SLC1A3: variants seen among roughly 807,000 people sequenced by gnomAD.
The protein encoded by SLC1A3 is excitatory amino acid transporter 1.
SLC1A3 carries 21 observed loss-of-function variants against 48.1 expected under a neutral mutation model. The ratio of observed to expected loss-of-function variants is 0.44; its 90% CI spans 0.31 to 0.63. The LOEUF is 0.63. Among genes scored for constraint, SLC1A3 ranks in the 20% least tolerant of loss-of-function variants. The pLI is 0.08. For synonymous variants in SLC1A3, 239 were observed against 251.4 expected (o/e 0.95, Z 0.47); for missense variants, 546 against 689.0 (o/e 0.79, Z 2.32).
rs370028507 is a variant in SLC1A3 at position 36,680,597 on chromosome 5, G to A, written c.1289+8G>A. On this transcript the variant is annotated splice_region_variant and intron_variant, in intron 8 of 9. Coordinates refer to ENST00000265113, the MANE Select transcript of SLC1A3 (RefSeq NM_004172.5). ...ACAAATTATTACAATCAGGTACAAGGAAAGAGTTCTATACACCCTTTCTTA... is the reference window on the plus strand; with the variant it reads ...ACAAATTATTACAATCAGGTACAAGAAAAGAGTTCTATACACCCTTTCTTA... 5.0e-6 allele frequency: 8 copies of A among 1,610,364 alleles called. No individual in the cohort carries two copies. The South Asian group carries it at 8.8e-5, about 18-fold the overall frequency.
At chr5:36,624,993 G>A (rs997336182) in intron 2 of SLC1A3, among the ~76,000 whole-genome samples, 5 of 152,198 alleles carry the variant, frequency 3.3e-5, no homozygotes, top group African/African-American at 1.2e-4. Flanking sequence ...AGGCTCTTTT[G>A]AGACCTATAC....
At chr5:36,652,607 G>A (rs1307111400) in intron 3 of SLC1A3, among the ~76,000 whole-genome samples, 5 of 152,116 alleles carry the variant, frequency 3.3e-5, no homozygotes, top group Non-Finnish European at 7.4e-5. Flanking sequence ...AGCCTCCAGA[G>A]AATTCCCAGA....
At chr5:36,654,218 G>T (rs1301723001) in intron 3 of SLC1A3, among the ~76,000 whole-genome samples, 1 of 152,122 alleles carries the variant, frequency 6.6e-6, no homozygotes, top group East Asian at 1.9e-4. Context: ...ACCCCTCCAG[G>T]GGCTGTTAGG....
chr5:36,658,403 A>G (rs1741368760), intron 3 of SLC1A3, among the ~76,000 whole-genome samples: 1 of 152,160 alleles, frequency 6.6e-6, no homozygotes, highest in Admixed American at 6.6e-5. Flanking sequence ...AGGCAGTGGG[A>G]GGCATTACAG....
At chr5:36,664,817 A>G (rs1741665135) in intron 3 of SLC1A3, among the ~76,000 whole-genome samples, 1 of 152,240 alleles carries the variant, frequency 6.6e-6, no homozygotes, top group South Asian at 2.1e-4. Context: ...AGTTACTTCT[A>G]TAGGCTCATC....
At chr5:36,634,940 G>T (rs1400585818) in intron 3 of SLC1A3, among the ~76,000 whole-genome samples, 1 of 152,114 alleles carries the variant, frequency 6.6e-6, no homozygotes, top group East Asian at 1.9e-4. Flanking sequence ...TTGTCATTTC[G>T]TGTAACACAA....
Position 36,608,595 on chromosome 5 carries a change from G to A in SLC1A3, c.172G>A (p.Val58Ile), listed in dbSNP as rs1739062609. The A allele has an allele frequency of 6.2e-7, 1 of 1,612,394 alleles. No individual in the cohort carries two copies. Among genetic ancestry groups the A allele is most frequent in the Non-Finnish European group, 8.5e-7 (1 of 1,179,756 alleles). The change falls in exon 2 of 10, where the codon GTC becomes ATC. Residue 58 changes from valine (V) to isoleucine (I), a missense_variant. This residue lies in a region of SLC1A3 where 348 missense variants were observed against 392.0 expected (regional missense o/e 0.89). Transcript: ENST00000265113. Reference protein sequence around the residue: ...NAFVLLTVTAVIVGTILGFTL... With the variant: ...NAFVLLTVTAIIVGTILGFTL... ...TTTTGTGCTGCTCACAGTCACCGCT[G>A]TCATTGTGGGTGAGTCATTTGATTA... is the stretch of plus-strand genomic sequence containing the variant.
intron 3 of SLC1A3, among the ~76,000 whole-genome samples, chr5:36,640,540 C>T (rs570488116): frequency 6.6e-6 from 1 of 152,238 alleles, no homozygotes; most frequent in South Asian, 2.1e-4. Context: ...GAAGAAATTT[C>T]CCCTAAATTA....
intron 3 of SLC1A3, among the ~76,000 whole-genome samples, chr5:36,667,255 C>A (rs922906166): frequency 6.6e-6 from 1 of 152,178 alleles, no homozygotes; most frequent in African/African-American, 2.4e-5. Flanking sequence ...TCTAGCTAGT[C>A]CTTCTGGTGA....
intron 2 of SLC1A3, among the ~76,000 whole-genome samples, chr5:36,621,286 C>G (rs1739655495): frequency 6.6e-6 from 1 of 152,064 alleles, no homozygotes; most frequent in African/African-American, 2.4e-5. Context: ...GTGCAAGGAC[C>G]ATAAAGGGGG....
chr5:36,639,842 G>T (rs146984026), intron 3 of SLC1A3, among the ~76,000 whole-genome samples: 1 of 152,148 alleles, frequency 6.6e-6, no homozygotes, highest in African/African-American at 2.4e-5. Context: ...ATGCACGCAC[G>T]CACACACACT....
chr5:36,605,508 A>G (rs1191937876), upstream of SLC1A3, among the ~76,000 whole-genome samples: 2 of 152,354 alleles, frequency 1.3e-5, no homozygotes, highest in East Asian at 3.9e-4. Flanking sequence ...TATGATCTCC[A>G]GAGATTTGTA....
chr5:36,641,424 G>C (rs1467593339), intron 3 of SLC1A3, among the ~76,000 whole-genome samples: 3 of 152,104 alleles, frequency 2.0e-5, no homozygotes, highest in Admixed American at 2.0e-4. Context: ...GTTCTCCAGA[G>C]TGTTTGTGCT....
intron 2 of SLC1A3, among the ~76,000 whole-genome samples, chr5:36,609,899 G>A (rs1289877769): frequency 2.0e-5 from 3 of 152,110 alleles, no homozygotes; most frequent in African/African-American, 7.2e-5. Context: ...TTGTCACTCT[G>A]AATCAAAGTC....
chr5:36,613,425 T>A (rs1739289436), intron 2 of SLC1A3: 1 of 152,432 alleles, frequency 6.6e-6, no homozygotes, highest in Non-Finnish European at 1.5e-5. Context: ...ACCAAGCCAG[T>A]TAGGTCAGCC....
chr5:36,656,121 T>C, intron 3 of SLC1A3, among the ~76,000 whole-genome samples: 1 of 152,238 alleles, frequency 6.6e-6, no homozygotes, highest in South Asian at 2.1e-4. Flanking sequence ...GTCAGTGACT[T>C]TTTAATTTTA....
chr5:36,608,909 G>A (rs914156999), intron 2 of SLC1A3: 12 of 1,088,044 alleles, frequency 1.1e-5, no homozygotes, highest in Non-Finnish European at 1.3e-5. Flanking sequence ...CATTAGGCAT[G>A]ACAAAGCAAG....
At chr5:36,599,731 C>T (rs902457850) in intron 1 of SLC1A3, among the ~76,000 whole-genome samples, 5 of 151,822 alleles carry the variant, frequency 3.3e-5, no homozygotes, top group Non-Finnish European at 7.4e-5. Context: ...TGGTCTCGTA[C>T]TCCTGACCTT....
intron 3 of SLC1A3, among the ~76,000 whole-genome samples, chr5:36,632,489 G>A (rs1484191687): frequency 6.6e-6 from 1 of 152,184 alleles, no homozygotes; most frequent in Non-Finnish European, 1.5e-5. Flanking sequence ...CTATTGGAAA[G>A]CCTCTTCTCT....
Sources: allele counts gnomAD v4.1 joint callset (sites outside exome capture counted in the v4.1 genomes callset), GRCh38; gene constraint gnomAD v4.1.1; regional missense constraint gnomAD v4.1.1; transcripts MANE v1.5; gene names NCBI Gene and HGNC (gene_info 2026-07-23, HGNC 2026-07-21).